Variants in TACC2 observed in about 807,000 individuals in gnomAD.
The protein encoded by TACC2 is transforming acidic coiled-coil containing protein 2.
In TACC2, 137 loss-of-function variants were observed where a neutral mutation model predicts 227.3. The ratio of observed to expected loss-of-function variants is 0.60; its 90% CI spans 0.52 to 0.69. The LOEUF (loss-of-function observed/expected upper bound fraction) is 0.69. TACC2 is among the 30% of genes least tolerant of loss of function. The pLI is 0.00. For synonymous variants in TACC2, 1,523 were observed against 1,487.5 expected (o/e 1.02, Z -0.55); for missense variants, 3,470 against 3,694.4 (o/e 0.94, Z 1.57).
In TACC2 at chr10:122,083,174, C is replaced by T. The variant is rs779280100; in HGVS notation, c.674C>T (p.Ser225Phe). Residue 225 changes from serine (S) to phenylalanine (F), a missense_variant, in exon 4 of 23, where the codon TCC (serine) becomes TTC (phenylalanine). Physicochemically the swap from Ser to Phe is radical, Grantham distance 155. Around this residue, in one of 10 missense-constraint regions of TACC2, gnomAD observed 405 missense variants for 389.6 expected, o/e 1.04. Coordinates refer to ENST00000369005, the MANE Select transcript of TACC2 (RefSeq NM_206862.4). Reference sequence around the variant, plus strand: ...GGGGACCAGCCTGGTGGTTTTGAGTCCCAAGAGAAAGAGGCTGCAGGTGGC... The same window carrying T: ...GGGGACCAGCCTGGTGGTTTTGAGTTCCAAGAGAAAGAGGCTGCAGGTGGC... ...GEGDQPGGFE[S>F]QEKEAAGGFP... 1.2e-6 allele frequency: 2 copies of T among 1,613,242 alleles called. No individual in the cohort carries two copies. The highest frequency in any genetic ancestry group is 1.7e-6 in the Non-Finnish European group (2 of 1,179,990).
intron 11 of TACC2, among the ~76,000 whole-genome samples, chr10:122,224,459 C>G (rs976747076): frequency 6.6e-6 from 1 of 152,158 alleles, no homozygotes; most frequent in Admixed American, 6.5e-5. Flanking sequence ...TGTGCTTGGT[C>G]GTGCCATGGA....
At chr10:122,117,191 C>CT (rs71482688) in intron 5 of TACC2, among the ~76,000 whole-genome samples, 37,287 of 129,770 alleles carry the variant, frequency 0.29, 5,813 homozygotes, top group Non-Finnish European at 0.33. Context: ...TCTTAGAAAT[C>CT]TTTTTTTTTT....
chr10:122,152,999 C>CTTTTTTTTTTTTTTTTTTTT (rs150943859), intron 7 of TACC2, among the ~76,000 whole-genome samples: 2 of 135,024 alleles, frequency 1.5e-5, no homozygotes, highest in Admixed American at 7.8e-5. Flanking sequence ...TTCTTTCTTT[C>CTTTTTTTTTTTTTTTTTTTT]TTTTTTTTTT....
Position 122,197,806 on chromosome 10 carries a change from C to T in TACC2, c.5971+2630C>T, listed in dbSNP as rs2094624776. Among the ~76,000 whole-genome samples the T allele has an allele frequency of 2.0e-5, 3 of 152,216 alleles. No individual in the cohort carries two copies. In the South Asian group the frequency reaches 6.2e-4, roughly 31 times the overall value. ...CCCTAGCTTGGGCTGTACAAAGATC[C>T]ATTTGATTTGCTGCCCTGGTTAGAA... On this transcript the variant is annotated intron_variant, in intron 8 of 22. Transcript: ENST00000369005.
At chr10:122,028,188 C>T (rs1338197534) in intron 2 of TACC2, among the ~76,000 whole-genome samples, 1 of 135,312 alleles carries the variant, frequency 7.4e-6, no homozygotes, top group Non-Finnish European at 1.5e-5. Flanking sequence ...TTCCTGGGTT[C>T]AAGCGATTCT....
At chr10:122,156,227 C>CTT (rs146123247) in intron 7 of TACC2, among the ~76,000 whole-genome samples, 1 of 133,630 alleles carries the variant, frequency 7.5e-6, no homozygotes, top group Non-Finnish European at 1.6e-5. Context: ...AAAATGTAGA[C>CTT]TTTTTTTTTT....
intron 5 of TACC2, chr10:122,127,052 G>T: frequency 6.4e-6 from 1 of 156,108 alleles, no homozygotes; most frequent in South Asian, 1.9e-4. Context: ...AAGATGCAGT[G>T]AGAAGGAGCT....
At chr10:122,233,279 C>T (rs1388741466) in intron 16 of TACC2, among the ~76,000 whole-genome samples, 2 of 152,210 alleles carry the variant, frequency 1.3e-5, no homozygotes, top group African/African-American at 2.4e-5. Context: ...CTGAATTTAA[C>T]ACTCAGCCAC....
intron 3 of TACC2, among the ~76,000 whole-genome samples, chr10:122,079,590 A>T (rs1268290859): frequency 1.3e-5 from 2 of 152,208 alleles, no homozygotes; most frequent in Non-Finnish European, 2.9e-5. Flanking sequence ...GGTTCTGTGT[A>T]CATGCCTCCT....
intron 3 of TACC2, among the ~76,000 whole-genome samples, chr10:122,081,946 C>T (rs2079558798): frequency 6.6e-6 from 1 of 152,156 alleles, no homozygotes; most frequent in Non-Finnish European, 1.5e-5. Context: ...TCTAAGGATC[C>T]CCAGGGGTGC....
intron 1 of TACC2, among the ~76,000 whole-genome samples, chr10:121,996,566 A>G (rs984988529): frequency 6.6e-6 from 1 of 152,176 alleles, no homozygotes; most frequent in Non-Finnish European, 1.5e-5. Context: ...GAGGAATGAA[A>G]CAGAGGGAAA....
intron 5 of TACC2, among the ~76,000 whole-genome samples, chr10:122,125,672 A>G (rs1352316048): frequency 6.6e-6 from 1 of 152,084 alleles, no homozygotes; most frequent in Admixed American, 6.5e-5. Context: ...GAGGATGGCC[A>G]GATTGGTGCC....
Position 122,087,297 on chromosome 10 carries a change from G to C in TACC2, c.4797G>C (p.Gln1599His). The change falls in exon 4 of 23, where the codon CAG (glutamine) becomes CAC (histidine). Residue 1599 changes from glutamine (Q) to histidine (H), a missense_variant. Coordinates refer to ENST00000369005, the MANE Select transcript of TACC2 (RefSeq NM_206862.4). ...AAGACAGAATTCCTTCTGGAAAGCA[G>C]CACCAGGAAACATCTGCCTGCGACA... ...VAQDRIPSGK[Q>H]HQETSACDSP... The C allele has an allele frequency of 1.9e-6, 3 of 1,613,982 alleles. No individual in the cohort carries two copies. In the South Asian group the frequency reaches 3.3e-5, roughly 18 times the overall value.
chr10:122,099,802 G>A (rs1159327671), intron 5 of TACC2, among the ~76,000 whole-genome samples: 1 of 152,340 alleles, frequency 6.6e-6, no homozygotes, highest in East Asian at 1.9e-4. Flanking sequence ...GCAGGGTTTA[G>A]TTTTGTTTTT....
rs2139244525 is a variant in TACC2, at chr10:122,143,639, G to T, written c.5767G>T (p.Ala1923Ser). 6.2e-7 allele frequency: 1 copy of T among 1,614,080 alleles called. No homozygotes were observed. Among genetic ancestry groups the T allele is most frequent in the Admixed American group, 1.7e-5 (1 of 60,022 alleles). ...TGCAGAACACATAGTTTCGCCATCT[G>T]CCCCAGCTGGTGACAGAGTAGAAGC... ...SAAEHIVSPS[A>S]PAGDRVEAST... is the part of the protein sequence containing the mutation. The change falls in exon 7 of 23, where the codon GCC (alanine) becomes TCC (serine). Residue 1923 changes from alanine (A) to serine (S), a missense_variant. By Grantham distance (99) the Ala-to-Ser change is moderately conservative. Transcript: ENST00000369005.
At chr10:122,114,250 A>G (rs1337796277) in intron 5 of TACC2, among the ~76,000 whole-genome samples, 1 of 152,110 alleles carries the variant, frequency 6.6e-6, no homozygotes, top group African/African-American at 2.4e-5. Flanking sequence ...AACTCTCCCC[A>G]TTCTTACTTC....
intron 5 of TACC2, among the ~76,000 whole-genome samples, chr10:122,118,726 A>AT (rs528023431): frequency 5.9e-5 from 9 of 152,218 alleles, no homozygotes; most frequent in African/African-American, 2.2e-4. Flanking sequence ...ACCAACTAAA[A>AT]TTTTGCCTCA....
chr10:122,109,385 C>A (rs1012101370), intron 5 of TACC2, among the ~76,000 whole-genome samples: 12 of 152,130 alleles, frequency 7.9e-5, no homozygotes, highest in African/African-American at 2.7e-4. Context: ...CATTTCTGAA[C>A]CCCTTTCCTG....
At chr10:122,002,938 C>G (rs1040803168) in intron 1 of TACC2, among the ~76,000 whole-genome samples, 1 of 152,126 alleles carries the variant, frequency 6.6e-6, no homozygotes, top group African/African-American at 2.4e-5. Flanking sequence ...CATGGTGGCT[C>G]ACACCTGTAA....
Sources: allele counts gnomAD v4.1 joint callset (sites outside exome capture counted in the v4.1 genomes callset), GRCh38; gene constraint gnomAD v4.1.1; regional missense constraint gnomAD v4.1.1; transcripts MANE v1.5; gene names NCBI Gene and HGNC (gene_info 2026-07-23, HGNC 2026-07-21).